Variants in RBMS3 observed in about 807,000 individuals in gnomAD.
RBMS3 encodes RNA binding motif single stranded interacting protein 3.
In RBMS3, 27 loss-of-function variants were observed where a neutral mutation model predicts 66.8. That is an observed-to-expected ratio of 0.40 (90% confidence interval 0.30 to 0.56). The LOEUF is 0.56. Ranked by LOEUF, RBMS3 falls within the 20% of genes least tolerant of loss-of-function variation. The pLI is 0.40. For missense variants in RBMS3, 513 were observed against 549.5 expected, an observed-to-expected ratio of 0.93 and a Z score of 0.66; for synonymous variants, 188 against 183.0, an observed-to-expected ratio of 1.03 and a Z score of -0.22.
intron 4 of RBMS3, among the ~76,000 whole-genome samples, chr3:29,673,558 A>G (rs1182656891): frequency 6.6e-6 from 1 of 152,192 alleles, no homozygotes; most frequent in African/African-American, 2.4e-5. Context: ...GCAATAAAAA[A>G]TAATAAAAGT....
chr3:29,433,520 C>A (rs373653256), intron 1 of RBMS3, among the ~76,000 whole-genome samples: 1 of 151,982 alleles, frequency 6.6e-6, no homozygotes, highest in Admixed American at 6.6e-5. Flanking sequence ...TTTCTAGGAA[C>A]CATTTTGTTT....
At chr3:29,432,635 TGACACATTC>T (rs1434739744) in intron 1 of RBMS3, among the ~76,000 whole-genome samples, 2 of 152,196 alleles carry the variant, frequency 1.3e-5, no homozygotes, top group Non-Finnish European at 2.9e-5. Context: ...ATGTATGGTT[TGACACATTC>T]CCTGCTCTCA....
intron 1 of RBMS3, among the ~76,000 whole-genome samples, chr3:29,397,733 G>T (rs1483149824): frequency 2.0e-5 from 3 of 151,754 alleles, no homozygotes; most frequent in Non-Finnish European, 4.4e-5. Context: ...ATTTTATTTT[G>T]AGATGAGATC....
chr3:29,888,645 T>C (rs1287331319), intron 8 of RBMS3, among the ~76,000 whole-genome samples: 1 of 151,736 alleles, frequency 6.6e-6, no homozygotes, highest in Non-Finnish European at 1.5e-5. Context: ...ACTGCTACTA[T>C]GTCATTGTCC....
chr3:29,546,964 T>A (rs1362068375), intron 3 of RBMS3, among the ~76,000 whole-genome samples: 2 of 152,138 alleles, frequency 1.3e-5, no homozygotes, highest in Admixed American at 1.3e-4. Context: ...TTTATTAAGT[T>A]TTATCTTTTA....
intron 12 of RBMS3, among the ~76,000 whole-genome samples, chr3:29,981,571 A>G (rs1697999040): frequency 6.6e-6 from 1 of 152,184 alleles, no homozygotes. Context: ...TAGGTTTGTC[A>G]TAAATAGCTC....
intron 6 of RBMS3, among the ~76,000 whole-genome samples, chr3:29,856,028 A>G (rs1377105794): frequency 2.0e-5 from 3 of 152,254 alleles, no homozygotes; most frequent in Non-Finnish European, 4.4e-5. Flanking sequence ...AAGTGTATAT[A>G]ATAGACTCAC....
chr3:29,988,353 T>A, intron 13 of RBMS3, 130 bp downstream of exon 13: 1 of 702,218 alleles, frequency 1.4e-6, no homozygotes, highest in Non-Finnish European at 2.4e-6. Flanking sequence ...CATTGTAAAT[T>A]CAGTGTATGA....
At chr3:29,684,836 A>C (rs563182188) in intron 4 of RBMS3, among the ~76,000 whole-genome samples, 1 of 152,024 alleles carries the variant, frequency 6.6e-6, no homozygotes, top group African/African-American at 2.4e-5. Flanking sequence ...ACTGAGCTAA[A>C]GAGGATGGTC....
chr3:29,983,310 T>C (rs1193777350), intron 12 of RBMS3, among the ~76,000 whole-genome samples: 3 of 151,940 alleles, frequency 2.0e-5, no homozygotes, highest in South Asian at 4.2e-4. Flanking sequence ...TATGTGTGTC[T>C]TTGCATGTGA....
At chr3:29,759,301 A>C (rs568762090) in intron 5 of RBMS3, among the ~76,000 whole-genome samples, 61 of 152,312 alleles carry the variant, frequency 4.0e-4, no homozygotes, top group African/African-American at 1.4e-3. Context: ...AAAGAATGTC[A>C]AACAGGACCT....
At chr3:29,447,562 C>T (rs2041876163) in intron 2 of RBMS3, among the ~76,000 whole-genome samples, 1 of 152,140 alleles carries the variant, frequency 6.6e-6, no homozygotes, top group African/African-American at 2.4e-5. Context: ...TATAGTAATG[C>T]TACCTCCATT....
intron 5 of RBMS3, among the ~76,000 whole-genome samples, chr3:29,762,479 A>G (rs1271632957): frequency 6.6e-6 from 1 of 152,134 alleles, no homozygotes; most frequent in Non-Finnish European, 1.5e-5. Context: ...CAGTTCAAAT[A>G]CTGACTTTTC....
intron 6 of RBMS3, among the ~76,000 whole-genome samples, chr3:29,853,537 G>GTTTA (rs1415205884): frequency 2.0e-5 from 3 of 150,470 alleles, no homozygotes; most frequent in Non-Finnish European, 4.4e-5. Context: ...GAATGACTGG[G>GTTTA]TTTATATCCT....
At chr3:29,784,659 C>A (rs1455377600) in intron 6 of RBMS3, among the ~76,000 whole-genome samples, 1 of 151,690 alleles carries the variant, frequency 6.6e-6, no homozygotes, top group Non-Finnish European at 1.5e-5. Context: ...AACCCACGCC[C>A]AACAGAAGAA....
chr3:29,320,556 C>A (rs192743270), intron 1 of RBMS3, among the ~76,000 whole-genome samples: 1 of 151,534 alleles, frequency 6.6e-6, no homozygotes, highest in Non-Finnish European at 1.5e-5. Context: ...TGTTTAATCC[C>A]GAGAAAAACA....
At chr3:29,670,478 G>A (rs1285431497) in intron 4 of RBMS3, among the ~76,000 whole-genome samples, 2 of 152,092 alleles carry the variant, frequency 1.3e-5, no homozygotes, top group East Asian at 3.9e-4. Flanking sequence ...AATCACAAGG[G>A]GTCAGGGAAT....
chr3:29,410,616 CT>C (rs1367032960), intron 1 of RBMS3, among the ~76,000 whole-genome samples: 1 of 152,198 alleles, frequency 6.6e-6, no homozygotes, highest in Non-Finnish European at 1.5e-5. Context: ...TTGATGTCCT[CT>C]TCCTTCAGAT....
intron 13 of RBMS3, among the ~76,000 whole-genome samples, chr3:29,989,440 C>T (rs1698675666): frequency 6.6e-6 from 1 of 152,170 alleles, no homozygotes; most frequent in Non-Finnish European, 1.5e-5. Context: ...TTCTCAGCAG[C>T]TGGGAATCCC....
Sources: gnomAD v4.1 joint callset for allele counts (sites outside exome capture counted in the v4.1 genomes callset) on GRCh38, gnomAD v4.1.1 for gene constraint, MANE v1.5 for transcripts, NCBI Gene and HGNC (gene_info 2026-07-23, HGNC 2026-07-21) for gene names.